The following SNTB1 variants were observed in gnomAD, a reference collection of about 807,000 sequenced individuals.
The protein encoded by SNTB1 is beta-1-syntrophin.
In SNTB1, 36 loss-of-function variants were observed where a neutral mutation model predicts 48.9. The ratio of observed to expected loss-of-function variants is 0.74; its 90% CI spans 0.56 to 0.97. SNTB1 has a LOEUF of 0.97. Ranked by LOEUF, SNTB1 falls within the 50% of genes least tolerant of loss-of-function variation. SNTB1 has a pLI of 0.00. For missense variants in SNTB1, 786 were observed against 703.4 expected (o/e 1.12, Z -1.33); for synonymous variants, 299 against 294.6 (o/e 1.01, Z -0.15).
chr8:120,555,404 A>C (rs1445753804), intron 4 of SNTB1, among the ~76,000 whole-genome samples: 1 of 151,708 alleles, frequency 6.6e-6, no homozygotes, highest in African/African-American at 2.4e-5. Context: ...TACATACTGC[A>C]GGGAAGGGCT....
At chr8:120,743,328 C>T (rs998111452) in intron 1 of SNTB1, among the ~76,000 whole-genome samples, 2 of 152,146 alleles carry the variant, frequency 1.3e-5, no homozygotes, top group Admixed American at 6.5e-5. Flanking sequence ...TTGCACGTAG[C>T]ACAGAGGTAA....
intron 1 of SNTB1, among the ~76,000 whole-genome samples, chr8:120,782,257 C>T (rs1235494847): frequency 6.6e-6 from 1 of 152,022 alleles, no homozygotes; most frequent in Admixed American, 6.6e-5. Flanking sequence ...ATCATATTTG[C>T]AACAATCCTA....
rs779112364 is a variant in SNTB1, at chr8:120,538,577, A to G, written c.*300T>C. ...ATCTGCACATGCTGTTCTAATGGTC[A>G]TGTCCTTGGTTGTCATTATTTCAAA... On this transcript the variant is annotated 3_prime_UTR_variant, in exon 7 of 7. Coordinates refer to ENST00000517992, the MANE Select transcript of SNTB1 (RefSeq NM_021021.4). 128 of 479,808 alleles carry G rather than the reference A, an allele frequency of 2.7e-4. No individual in the cohort carries two copies. Among genetic ancestry groups the G allele is most frequent in the Non-Finnish European group, 4.3e-4 (103 of 242,168 alleles). The allele number at this position is 479,808 out of a possible 1,614,324, so 29.7% of individuals were successfully genotyped here.
intron 2 of SNTB1, among the ~76,000 whole-genome samples, chr8:120,676,783 T>C (rs1232583565): frequency 6.6e-6 from 1 of 152,184 alleles, no homozygotes; most frequent in Non-Finnish European, 1.5e-5. Flanking sequence ...CAGCTGGGCA[T>C]GGTGGCTCAC....
intron 1 of SNTB1, among the ~76,000 whole-genome samples, chr8:120,703,332 C>G (rs1818334600): frequency 6.6e-6 from 1 of 152,178 alleles, no homozygotes; most frequent in Non-Finnish European, 1.5e-5. Flanking sequence ...ACCATGTTGG[C>G]CAGGCTGGTC....
At chr8:120,729,268 G>A (rs1359091198) in intron 1 of SNTB1, among the ~76,000 whole-genome samples, 1 of 152,218 alleles carries the variant, frequency 6.6e-6, no homozygotes, top group African/African-American at 2.4e-5. Flanking sequence ...ACAGGCGTGA[G>A]CCACTGCACC....
chr8:120,755,192 GAGAGAGAGAAGAA>G (rs1287913021), intron 1 of SNTB1, among the ~76,000 whole-genome samples: 12 of 151,228 alleles, frequency 7.9e-5, no homozygotes, highest in Admixed American at 7.9e-4. Context: ...GAGAGAGCGA[GAGAGAGAGAAGAA>G]AGAGAGAGAG....
At chr8:120,693,627 G>T in intron 2 of SNTB1, 65 bp downstream of exon 2, 1 of 1,369,036 alleles carries the variant, frequency 7.3e-7, no homozygotes, top group Non-Finnish European at 1.0e-6. Context: ...TCTCGTGAAA[G>T]CCCCCATTTA....
intron 2 of SNTB1, among the ~76,000 whole-genome samples, chr8:120,672,336 A>G (rs760469756): frequency 1.1e-4 from 17 of 152,212 alleles, no homozygotes; most frequent in South Asian, 4.1e-4. Flanking sequence ...TTAAAGTGAT[A>G]CCCTAGAGCA....
At chr8:120,654,002 T>C (rs7840831) in intron 2 of SNTB1, among the ~76,000 whole-genome samples, 26,829 of 123,198 alleles carry the variant, frequency 0.22, 3,225 homozygotes, top group East Asian at 0.44. Context: ...ATGGCGCCAC[T>C]GCACTCCAGC....
chr8:120,545,208 G>A (rs1815360816), intron 5 of SNTB1, among the ~76,000 whole-genome samples: 1 of 152,174 alleles, frequency 6.6e-6, no homozygotes, highest in Non-Finnish European at 1.5e-5. Flanking sequence ...GCCAGGCATG[G>A]TGGCAGGCAT....
At chr8:120,649,775 A>G (rs1817377899) in intron 2 of SNTB1, among the ~76,000 whole-genome samples, 2 of 152,212 alleles carry the variant, frequency 1.3e-5, no homozygotes, top group South Asian at 2.1e-4. Context: ...CCTAGCTGCC[A>G]CCTTGCAGTT....
At chr8:120,675,680 G>T (rs1347681148) in intron 2 of SNTB1, among the ~76,000 whole-genome samples, 5 of 152,160 alleles carry the variant, frequency 3.3e-5, no homozygotes, top group Non-Finnish European at 7.4e-5. Flanking sequence ...AAATGCAGGG[G>T]AACAAAGGGA....
At chr8:120,777,256 C>T (rs1196976357) in intron 1 of SNTB1, among the ~76,000 whole-genome samples, 2 of 152,174 alleles carry the variant, frequency 1.3e-5, no homozygotes, top group South Asian at 4.1e-4. Context: ...ACATGTTGAA[C>T]TTGGAAAAAT....
At chr8:120,598,226 C>A (rs900354985) in intron 3 of SNTB1, among the ~76,000 whole-genome samples, 1 of 152,158 alleles carries the variant, frequency 6.6e-6, no homozygotes, top group East Asian at 1.9e-4. Context: ...CAGGAAGAGT[C>A]TCAATTCTTC....
chr8:120,770,694 T>C (rs1433713610), intron 1 of SNTB1, among the ~76,000 whole-genome samples: 1 of 152,068 alleles, frequency 6.6e-6, no homozygotes, highest in Non-Finnish European at 1.5e-5. Context: ...GCGCCGGTAA[T>C]CCTAGCTACT....
Position 120,537,871 on chromosome 8 carries a change from T to C in SNTB1, c.*1006A>G, listed in dbSNP as rs974846337. On this transcript the variant is annotated 3_prime_UTR_variant, in exon 7 of 7. Transcript: ENST00000517992. ...TTCAGTCTATATGTAAAACCCAGCA[T>C]TATCCAGAATTAAATGAGGCTGCTT... The C allele has an allele frequency of 2.0e-5, 3 of 152,202 alleles. No homozygotes were observed. Among genetic ancestry groups the C allele is most frequent in the African/African-American group, 7.2e-5 (3 of 41,452 alleles). 9.4% of individuals were successfully genotyped at this position (152,202 alleles called of 1,614,324 possible). A position where few individuals can be genotyped will look rare whatever the true frequency, so the allele number is the denominator to read the frequency against.
At chr8:120,572,880 A>C (rs146626879) in intron 4 of SNTB1, among the ~76,000 whole-genome samples, 2,479 of 152,260 alleles carry the variant, frequency 0.016, 60 homozygotes, top group African/African-American at 0.056. Flanking sequence ...GCACCATTGC[A>C]CTCCAGACTG....
chr8:120,744,121 A>ATTTTTT lies in SNTB1; in HGVS notation c.572-50219_572-50214dup, dbSNP rs35604534. On this transcript the variant is annotated intron_variant, in intron 1 of 6. Transcript: ENST00000517992. Reference sequence around the variant, plus strand: ...CTCAAGCCTGGGTGACCCTGTCTCAATTTTTTTTTTTTTTTGCAAGGGAAT... The same window carrying ATTTTTT: ...CTCAAGCCTGGGTGACCCTGTCTCAATTTTTTTTTTTTTTTTTTTTTGCAAGGGAAT... Among the ~76,000 whole-genome samples the ATTTTTT allele has an allele frequency of 1.2e-4, 16 of 136,158 alleles. 1 individual carries two copies. In the East Asian group the frequency reaches 3.7e-3, roughly 31 times the overall value. 89.3% of individuals were successfully genotyped at this position (136,158 alleles called of 152,430 possible). A position where few individuals can be genotyped will look rare whatever the true frequency, so the allele number is the denominator to read the frequency against.
Sources: allele counts gnomAD v4.1 joint callset (sites outside exome capture counted in the v4.1 genomes callset), GRCh38; gene constraint gnomAD v4.1.1; transcripts MANE v1.5; gene names NCBI Gene and HGNC (gene_info 2026-07-23, HGNC 2026-07-21).